The following CASQ2 variants were observed in gnomAD, a reference collection of about 807,000 sequenced individuals.
CASQ2 encodes calsequestrin-2.
Under a neutral mutation model 46.5 loss-of-function variants are expected in CASQ2, and 49 were observed. The observed-to-expected ratio is 1.05, with a 90% CI of 0.84 to 1.34. The LOEUF is 1.34. Ranked by LOEUF, CASQ2 falls within the 40% of genes most tolerant of loss-of-function variation. The pLI, the probability that CASQ2 is intolerant of heterozygous loss-of-function variation, is 0.00. For synonymous variants in CASQ2, 174 were observed against 168.5 expected (o/e 1.03, Z -0.25); for missense variants, 486 against 481.3 (o/e 1.01, Z -0.09).
At chr1:115,703,946 A>G (rs1654286319) in intron 9 of CASQ2, among the ~76,000 whole-genome samples, 1 of 152,076 alleles carries the variant, frequency 6.6e-6, no homozygotes, top group Admixed American at 6.5e-5. Flanking sequence ...GGCCAGGAAA[A>G]CTGCAAACCA....
chr1:115,768,410 C>G lies in CASQ2; in HGVS notation c.132G>C (p.Gln44His). The G allele has an allele frequency of 1.2e-6, 2 of 1,613,982 alleles. No homozygotes were observed. The highest frequency in any genetic ancestry group is 1.7e-6 in the Non-Finnish European group (2 of 1,179,858). The part of the protein sequence containing the change: ...VVSLSEKNFK[Q>H]VLKKYDLLCL... The stretch of plus-strand genomic sequence containing the variant: ...AAAGCAAGTCATATTTCTTTAAAAC[C>G]TGCTTGAAGTTCTTCTCGGAAAGAC... Residue 44 changes from glutamine to histidine, a missense_variant, in exon 1 of 11, where the codon CAG (glutamine) becomes CAC (histidine). Physicochemically the swap from Gln to His is conservative, Grantham distance 24. Transcript: ENST00000261448.
At chr1:115,722,496 A>G (rs751238250) in intron 7 of CASQ2, among the ~76,000 whole-genome samples, 4 of 152,192 alleles carry the variant, frequency 2.6e-5, no homozygotes, top group Non-Finnish European at 4.4e-5. Flanking sequence ...CCATCTACAG[A>G]ACACCATGGT....
intron 7 of CASQ2, among the ~76,000 whole-genome samples, chr1:115,721,932 C>T (rs1360227429): frequency 1.1e-4 from 17 of 152,310 alleles, no homozygotes. Flanking sequence ...GTTTAAGTTG[C>T]TGTGGCCACG....
At chr1:115,739,110 A>ATT (rs1322330730) in intron 3 of CASQ2, among the ~76,000 whole-genome samples, 1 of 76,358 alleles carries the variant, frequency 1.3e-5, no homozygotes, top group Non-Finnish European at 3.7e-5. Flanking sequence ...TGTATAGCAC[A>ATT]TTTTCTTTTC....
At chr1:115,738,494 A>G (rs150011959) in intron 3 of CASQ2, among the ~76,000 whole-genome samples, 159 bp from the exon 4 acceptor site, 3 of 152,252 alleles carry the variant, frequency 2.0e-5, no homozygotes, top group Non-Finnish European at 4.4e-5. Flanking sequence ...GCATACCAGC[A>G]GTACCTTCTG....
In CASQ2 at chr1:115,725,429, G is replaced by C. The variant is rs545821699; in HGVS notation, c.783+79C>G. On this transcript the variant is annotated intron_variant, in intron 7 of 10. Coordinates refer to ENST00000261448, the MANE Select transcript of CASQ2 (RefSeq NM_001232.4). ...AGCCAAATAAACTTGGTTTGAGTTTGGGGACTTAATCTAAGAAGCACTCCT... is the reference window on the plus strand; with the variant it reads ...AGCCAAATAAACTTGGTTTGAGTTTCGGGACTTAATCTAAGAAGCACTCCT... 16 of 1,523,996 alleles carry C rather than the reference G, an allele frequency of 1.0e-5. No homozygotes were observed. The South Asian group carries it at 1.7e-4, about 16-fold the overall frequency. 94.4% of individuals were successfully genotyped at this position (1,523,996 alleles called of 1,614,324 possible). A position where few individuals can be genotyped will look rare whatever the true frequency, so the allele number is the denominator to read the frequency against.
At chr1:115,702,890 G>T (rs769303847) in intron 10 of CASQ2, 31 bp downstream of exon 10, 2 of 1,540,674 alleles carry the variant, frequency 1.3e-6, no homozygotes, top group Non-Finnish European at 9.0e-7. Context: ...GGCCAAGGGT[G>T]CCTGAGCAAG....
intron 3 of CASQ2, among the ~76,000 whole-genome samples, chr1:115,738,711 A>AT (rs957436966): frequency 4.6e-5 from 7 of 152,308 alleles, no homozygotes; most frequent in Admixed American, 3.9e-4. Flanking sequence ...AATATTCATC[A>AT]TTTTTTGTGG....
chr1:115,761,089 G>A (rs535690659), intron 1 of CASQ2, among the ~76,000 whole-genome samples: 3 of 151,928 alleles, frequency 2.0e-5, no homozygotes, highest in Admixed American at 6.6e-5. Context: ...GAATCTGTGT[G>A]ACTTACTCAG....
chr1:115,763,223 A>G (rs1243802969), intron 1 of CASQ2, among the ~76,000 whole-genome samples: 3 of 152,182 alleles, frequency 2.0e-5, no homozygotes, highest in Non-Finnish European at 2.9e-5. Context: ...AGGAAACTGG[A>G]AGCACCTCTC....
intron 4 of CASQ2, among the ~76,000 whole-genome samples, chr1:115,735,176 G>T (rs1647915427): frequency 6.6e-6 from 1 of 152,176 alleles, no homozygotes; most frequent in Non-Finnish European, 1.5e-5. Flanking sequence ...ATAAAGGTTT[G>T]CCTGTGAATC....
chr1:115,709,864 A>AT (rs1570800323), intron 8 of CASQ2, among the ~76,000 whole-genome samples: 2 of 151,894 alleles, frequency 1.3e-5, no homozygotes, highest in African/African-American at 4.8e-5. Context: ...TTGTTTTGAG[A>AT]TGGAGTCTTG....
intron 2 of CASQ2, among the ~76,000 whole-genome samples, chr1:115,742,672 G>C (rs1000073771): frequency 6.6e-6 from 1 of 152,126 alleles, no homozygotes; most frequent in Admixed American, 6.5e-5. Context: ...AACTAAATTT[G>C]CTGGAAATTC....
intron 1 of CASQ2, among the ~76,000 whole-genome samples, chr1:115,764,766 C>T (rs1649078231): frequency 6.6e-6 from 1 of 152,166 alleles, no homozygotes; most frequent in Non-Finnish European, 1.5e-5. Flanking sequence ...AGTTTGCTGC[C>T]TCCTGGTGTC....
At chr1:115,731,419 C>A (rs761970980) in intron 5 of CASQ2, among the ~76,000 whole-genome samples, 1 of 152,204 alleles carries the variant, frequency 6.6e-6, no homozygotes, top group African/African-American at 2.4e-5. Context: ...CCATTAGAAC[C>A]AAATGGTCCA....
chr1:115,737,966 T>G (rs544623626), intron 4 of CASQ2, among the ~76,000 whole-genome samples: 2 of 152,244 alleles, frequency 1.3e-5, no homozygotes, highest in African/African-American at 4.8e-5. Context: ...GAGAAGAGCT[T>G]TTCTCTTTTT....
Position 115,727,042 on chromosome 1 carries a change from GTTGGGGATGGCA to G in CASQ2, c.675_686del (p.Ala226_Asn229del). The stretch of plus-strand genomic sequence containing the variant: ...CCAGCTCCTCTTCTGTGTAAGGTTT[GTTGGGGATGGCA>G]ATGGGCTCATCCATAAATGGCTCAT... On this transcript the variant is annotated inframe_deletion, in exon 6 of 11. Transcript: ENST00000261448. 1.3e-6 allele frequency: 2 copies of G among 1,599,992 alleles called. No individual in the cohort carries two copies. The highest frequency in any genetic ancestry group is 1.7e-6 in the Non-Finnish European group (2 of 1,171,148).
chr1:115,754,423 G>A (rs547925406), intron 1 of CASQ2, among the ~76,000 whole-genome samples: 1 of 152,216 alleles, frequency 6.6e-6, no homozygotes, highest in South Asian at 2.1e-4. Flanking sequence ...ATTCTGAGAG[G>A]CTATATAACA....
chr1:115,768,418 A>T lies in CASQ2; in HGVS notation c.124T>A (p.Phe42Ile), dbSNP rs1649203256. The T allele has an allele frequency of 6.2e-7, 1 of 1,613,842 alleles. No homozygotes were observed. Among genetic ancestry groups the T allele is most frequent in the Non-Finnish European group, 8.5e-7 (1 of 1,179,820 alleles). The change falls in exon 1 of 11, where the codon TTC (phenylalanine) becomes ATC (isoleucine). Residue 42 changes from phenylalanine (F) to isoleucine (I), a missense_variant. Phe to Ile is a conservative substitution (Grantham distance 21). Transcript: ENST00000261448. Reference protein sequence around the residue: ...DRVVSLSEKNFKQVLKKYDLL... With the variant: ...DRVVSLSEKNIKQVLKKYDLL... ...TCATATTTCTTTAAAACCTGCTTGA[A>T]GTTCTTCTCGGAAAGACTTACCACT...
Sources: gnomAD v4.1 joint callset for allele counts (sites outside exome capture counted in the v4.1 genomes callset) on GRCh38, gnomAD v4.1.1 for gene constraint, MANE v1.5 for transcripts, NCBI Gene and HGNC (gene_info 2026-07-23, HGNC 2026-07-21) for gene names.